Variants in GPATCH8 observed in about 807,000 individuals in gnomAD.
GPATCH8 encodes G patch domain-containing protein 8.
GPATCH8 carries 18 observed loss-of-function variants against 118.3 expected under a neutral mutation model. The ratio of observed to expected loss-of-function variants is 0.15; its 90% confidence interval spans 0.11 to 0.23. GPATCH8 has a LOEUF of 0.23. GPATCH8 is among the 10% of genes least tolerant of loss of function. The pLI, the probability that GPATCH8 is intolerant of heterozygous loss-of-function variation, is 1.00. For missense variants in GPATCH8, 1,631 were observed against 1,873.8 expected, an observed-to-expected ratio of 0.87 and a Z score of 2.39; for synonymous variants, 659 against 684.7, an observed-to-expected ratio of 0.96 and a Z score of 0.59.
chr17:44,436,606 C>T, intron 3 of GPATCH8, 61 bp from the exon 4 acceptor site: 1 of 852,200 alleles, frequency 1.2e-6, no homozygotes, highest in South Asian at 1.3e-5. Flanking sequence ...TCATTTTACA[C>T]ATTGGGTTTT....
intron 3 of GPATCH8, among the ~76,000 whole-genome samples, chr17:44,451,769 C>G (rs186721801): frequency 2.0e-5 from 3 of 152,168 alleles, no homozygotes; most frequent in Non-Finnish European, 4.4e-5. Context: ...AAGTGCCCTA[C>G]GAGAATATAT....
At chr17:44,491,013 G>A (rs1247427714) in intron 1 of GPATCH8, among the ~76,000 whole-genome samples, 7 of 152,166 alleles carry the variant, frequency 4.6e-5, no homozygotes, top group Non-Finnish European at 1.5e-5. Context: ...TCCCACAGCT[G>A]TATCCTTTAT....
At chr17:44,403,736 C>T (rs1230731437) in intron 7 of GPATCH8, among the ~76,000 whole-genome samples, 2 of 151,796 alleles carry the variant, frequency 1.3e-5, no homozygotes, top group Non-Finnish European at 2.9e-5. Context: ...TCTTGTTGCC[C>T]CGGCTGGAGT....
At chr17:44,444,182 C>T (rs980665032) in intron 3 of GPATCH8, among the ~76,000 whole-genome samples, 7 of 151,352 alleles carry the variant, frequency 4.6e-5, no homozygotes, top group Non-Finnish European at 1.0e-4. Context: ...AAGGATATCT[C>T]ATCCAGGGAT....
At chr17:44,403,956 A>C (rs1218275023) in intron 7 of GPATCH8, among the ~76,000 whole-genome samples, 2 of 151,552 alleles carry the variant, frequency 1.3e-5, no homozygotes, top group Admixed American at 6.6e-5. Context: ...GGCCTCCCAA[A>C]GTGCTGGGAT....
At chr17:44,501,510 A>G (rs1421605296) in intron 1 of GPATCH8, among the ~76,000 whole-genome samples, 1 of 152,176 alleles carries the variant, frequency 6.6e-6, no homozygotes, top group African/African-American at 2.4e-5. Flanking sequence ...TATCATCTTC[A>G]AAGGACTACC....
chr17:44,464,706 T>C (rs2051691763), intron 2 of GPATCH8, 162 bp from the exon 3 acceptor site: 5 of 641,678 alleles, frequency 7.8e-6, no homozygotes, highest in South Asian at 5.2e-5. Context: ...GGGACATTAA[T>C]GTAAAAAGAA....
At chr17:44,414,583 C>T (rs2049606886) in intron 6 of GPATCH8, among the ~76,000 whole-genome samples, 2 of 152,206 alleles carry the variant, frequency 1.3e-5, no homozygotes, top group Non-Finnish European at 2.9e-5. Flanking sequence ...TGTTTACAGG[C>T]GTGAGCCATT....
chr17:44,466,989 T>C, intron 2 of GPATCH8: 1 of 376,288 alleles, frequency 2.7e-6, no homozygotes, highest in South Asian at 2.1e-5. Flanking sequence ...AGATGAGACA[T>C]TATGCTGATT....
At chr17:44,463,640 A>G (rs1337654204) in intron 3 of GPATCH8, among the ~76,000 whole-genome samples, 2 of 152,180 alleles carry the variant, frequency 1.3e-5, no homozygotes, top group Non-Finnish European at 2.9e-5. Flanking sequence ...TCGGCCTCCC[A>G]AAGTGCTGGG....
intron 1 of GPATCH8, among the ~76,000 whole-genome samples, chr17:44,501,427 AAAAT>A (rs2144512358): frequency 6.6e-6 from 1 of 152,272 alleles, no homozygotes; most frequent in Non-Finnish European, 1.5e-5. Context: ...AAAAAAAAAA[AAAAT>A]TTTTCCTGGC....
At chr17:44,475,994 A>G (rs1967740305) in intron 1 of GPATCH8, among the ~76,000 whole-genome samples, 1 of 152,130 alleles carries the variant, frequency 6.6e-6, no homozygotes, top group African/African-American at 2.4e-5. Flanking sequence ...AAGCCACTGC[A>G]CTCCAAGCCT....
rs1567934182 is a variant in GPATCH8 at position 44,400,635 on chromosome 17, T to G, written c.1442A>C (p.Glu481Ala). ...TEPSEPGSKA[E>A]AKKALGGDVS... ...ATCCCCTCCTAAGGCCTTCTTTGCC[T>G]CAGCTTTGCTTCCTGGTTCTGAGGG... Residue 481 changes from glutamate (E) to alanine (A), a missense_variant, in exon 8 of 8, where the codon GAG becomes GCG. Coordinates refer to ENST00000591680, the MANE Select transcript of GPATCH8 (RefSeq NM_001002909.4). The G allele has an allele frequency of 1.2e-6, 2 of 1,613,766 alleles. No individual in the cohort carries two copies. Among genetic ancestry groups the G allele is most frequent in the Non-Finnish European group, 1.7e-6 (2 of 1,179,794 alleles).
At chr17:44,497,897 C>A (rs577586381) in intron 1 of GPATCH8, among the ~76,000 whole-genome samples, 23 of 151,514 alleles carry the variant, frequency 1.5e-4, no homozygotes, top group African/African-American at 5.3e-4. Context: ...CAAGATCCCA[C>A]AACTGTACTC....
At position 44,436,457 on chromosome 17, in the gene GPATCH8, G is replaced by A. The variant is rs372305101; in HGVS notation, c.261+21C>T. 24 of 1,027,264 alleles carry A rather than the reference G, an allele frequency of 2.3e-5. No homozygotes were observed. In the African/African-American group the frequency reaches 3.0e-4, roughly 13 times the overall value. The allele number at this position is 1,027,264 out of a possible 1,614,324, so 63.6% of individuals were successfully genotyped here. On this transcript the variant is annotated intron_variant, in intron 4 of 7. Transcript: ENST00000591680. ...TTTCAAAATATCTCACAAAACTTAT[G>A]AGTTAATGAGATCAATTTACCTCCA...
intron 6 of GPATCH8, among the ~76,000 whole-genome samples, chr17:44,417,067 T>C (rs2049713683): frequency 6.6e-6 from 1 of 152,052 alleles, no homozygotes; most frequent in South Asian, 2.1e-4. Flanking sequence ...TTGCTCAATA[T>C]ATTACCCAGG....
chr17:44,477,944 G>C (rs1490901689), intron 1 of GPATCH8, among the ~76,000 whole-genome samples: 1 of 150,550 alleles, frequency 6.6e-6, no homozygotes, highest in Non-Finnish European at 1.5e-5. Flanking sequence ...GGAGTAGCTG[G>C]GATTACAGGC....
At chr17:44,483,202 T>TAC (rs1968466618) in intron 1 of GPATCH8, among the ~76,000 whole-genome samples, 1 of 75,116 alleles carries the variant, frequency 1.3e-5, no homozygotes, top group African/African-American at 5.0e-5. Context: ...TATATATATA[T>TAC]ATATATATAT....
Position 44,436,461 on chromosome 17 carries a change from T to A in GPATCH8, c.261+17A>T. Reference sequence around the variant, plus strand: ...AAAATATCTCACAAAACTTATGAGTTAATGAGATCAATTTACCTCCATTTC... The same window carrying A: ...AAAATATCTCACAAAACTTATGAGTAAATGAGATCAATTTACCTCCATTTC... On this transcript the variant is annotated intron_variant, in intron 4 of 7. Coordinates refer to ENST00000591680, the MANE Select transcript of GPATCH8 (RefSeq NM_001002909.4). The A allele has an allele frequency of 1.8e-6, 2 of 1,093,174 alleles. No individual in the cohort carries two copies. The highest frequency in any genetic ancestry group is 2.8e-6 in the Non-Finnish European group (2 of 703,718). 67.7% of individuals were successfully genotyped at this position (1,093,174 alleles called of 1,614,324 possible).
Sources: allele counts gnomAD v4.1 joint callset (sites outside exome capture counted in the v4.1 genomes callset), GRCh38; gene constraint gnomAD v4.1.1; transcripts MANE v1.5; gene names NCBI Gene and HGNC (gene_info 2026-07-23, HGNC 2026-07-21).